Variants in CASP8 observed in about 807,000 individuals in gnomAD.
The protein encoded by CASP8 is caspase 8, also known as caspase-8.
CASP8 carries 24 observed loss-of-function variants against 46.3 expected under a neutral mutation model. The observed-to-expected ratio is 0.52, with a 90% CI of 0.38 to 0.73. CASP8 has a LOEUF of 0.73. Among genes scored for constraint, CASP8 ranks in the 30% least tolerant of loss-of-function variants. CASP8 has a pLI of 0.00. For missense variants in CASP8, 460 were observed against 559.0 expected, an observed-to-expected ratio of 0.82 and a Z score of 1.79; for synonymous variants, 188 against 200.4, an observed-to-expected ratio of 0.94 and a Z score of 0.52.
In CASP8 at chr2:201,286,461, G is replaced by A. The variant is rs1235505270; in HGVS notation, c.1307G>A (p.Gly436Asp). 5.6e-6 allele frequency: 9 copies of A among 1,612,006 alleles called. No homozygotes were observed. The highest frequency in any genetic ancestry group is 6.8e-6 in the Non-Finnish European group (8 of 1,178,370). The change falls in exon 9 of 9, where the codon GGC becomes GAC. Residue 436 changes from glycine to aspartate, a missense_variant and splice_region_variant. Coordinates refer to ENST00000673742, the MANE Select transcript of CASP8 (RefSeq NM_001372051.1). ...CQSLRERCPR[G>D]DDILTILTEV... ...CAATATTATGTGATGTATTTCAGAG[G>A]CGATGATATTCTCACCATCCTGACT...
intron 2 of CASP8, among the ~76,000 whole-genome samples, chr2:201,252,881 T>C (rs2125008611): frequency 6.6e-6 from 1 of 152,256 alleles, no homozygotes; most frequent in Non-Finnish European, 1.5e-5. Context: ...ACTCTTAAAA[T>C]CCACTTATTA....
chr2:201,272,174 T>C lies in CASP8; in HGVS notation c.412-464T>C, dbSNP rs575385399. Among the ~76,000 whole-genome samples, 1 of 151,992 alleles carries C rather than the reference T, an allele frequency of 6.6e-6. No individual in the cohort carries two copies. The highest frequency in any genetic ancestry group is 1.9e-4 in the East Asian group (1 of 5,162). On this transcript the variant is annotated intron_variant, in intron 3 of 8. Transcript: ENST00000673742. The surrounding 1 kb of genome is among the most constrained non-coding windows in gnomAD (Gnocchi z 4.4). ...TGTATTGTATTTATGCCCCTGTGTG[T>C]GTATCACTGAGTATACTCTGTGTGT...
intron 8 of CASP8, among the ~76,000 whole-genome samples, chr2:201,285,699 G>A (rs749684453): frequency 1.1e-4 from 16 of 152,200 alleles, no homozygotes; most frequent in Non-Finnish European, 2.2e-4. Flanking sequence ...ACATGACTGA[G>A]CCAATTCAAC....
At chr2:201,246,301 A>G (rs1946519099) in intron 2 of CASP8, among the ~76,000 whole-genome samples, 1 of 152,124 alleles carries the variant, frequency 6.6e-6, no homozygotes, top group Admixed American at 6.5e-5. Flanking sequence ...GTCCCCCGCC[A>G]GTCTGCCTCT....
intron 2 of CASP8, among the ~76,000 whole-genome samples, chr2:201,234,651 G>T (rs1361999293): frequency 6.6e-6 from 1 of 151,570 alleles, no homozygotes; most frequent in Non-Finnish European, 1.5e-5. Flanking sequence ...AGATGGGGGG[G>T]TCTCACCATG....
chr2:201,256,390 G>C (rs1413394299), upstream of CASP8, among the ~76,000 whole-genome samples: 1 of 152,200 alleles, frequency 6.6e-6, no homozygotes, highest in East Asian at 1.9e-4. Context: ...TCTGAGAACT[G>C]TTCAGAAGTG....
chr2:201,236,517 T>C (rs1431288719), intron 2 of CASP8, among the ~76,000 whole-genome samples: 2 of 152,182 alleles, frequency 1.3e-5, no homozygotes, highest in Non-Finnish European at 2.9e-5. Flanking sequence ...CCAGAGTGAA[T>C]TCCACAGTGT....
intron 2 of CASP8, among the ~76,000 whole-genome samples, chr2:201,247,960 G>A (rs895134745): frequency 5.3e-5 from 8 of 151,958 alleles, no homozygotes; most frequent in Admixed American, 3.3e-4. Context: ...TGTATTTTTA[G>A]TAGAGATGGG....
chr2:201,276,799 G>T (rs2125317268), intron 6 of CASP8, 28 bp from the exon 7 acceptor site: 1 of 1,613,786 alleles, frequency 6.2e-7, no homozygotes, highest in Non-Finnish European at 8.5e-7. Context: ...CACAGAGTCA[G>T]CTCCTGGGTT....
intron 5 of CASP8, among the ~76,000 whole-genome samples, chr2:201,273,552 T>A (rs753701289): frequency 6.6e-6 from 1 of 152,260 alleles, no homozygotes; most frequent in Non-Finnish European, 1.5e-5. Context: ...TCACTTTCTC[T>A]TTCAACACCT....
chr2:201,240,362 A>G (rs1559328361), intron 2 of CASP8: 1 of 152,224 alleles, frequency 6.6e-6, no homozygotes, highest in African/African-American at 2.4e-5. Flanking sequence ...TGACAACCCA[A>G]AGAGAGCAAG....
intron 2 of CASP8, among the ~76,000 whole-genome samples, chr2:201,271,312 T>C (rs1248395009): frequency 6.6e-6 from 1 of 152,124 alleles, no homozygotes; most frequent in Non-Finnish European, 1.5e-5. Flanking sequence ...TTTAAATTGT[T>C]AAGGGTGGGA....
chr2:201,238,576 G>A (rs1946157993), intron 2 of CASP8, among the ~76,000 whole-genome samples: 2 of 151,868 alleles, frequency 1.3e-5, no homozygotes, highest in Non-Finnish European at 2.9e-5. Context: ...CGAGTAGCTG[G>A]GACAATAGGC....
Position 201,265,985 on chromosome 2 carries a change from T to G in CASP8, c.-26-476T>G, listed in dbSNP as rs1283699837. ...CTTGTTTTTTTTGTTTTTTGTGTTTTTTTTTTTTTTGTGAGACGGAGTCTT... is the reference window on the plus strand; with the variant it reads ...CTTGTTTTTTTTGTTTTTTGTGTTTGTTTTTTTTTTGTGAGACGGAGTCTT... On this transcript the variant is annotated intron_variant, in intron 1 of 8. Transcript: ENST00000673742. 2.6e-5 allele frequency among the ~76,000 whole-genome samples: 4 copies of G among 151,392 alleles called. No homozygotes were observed. In the South Asian group the frequency reaches 8.3e-4, roughly 32 times the overall value.
chr2:201,236,218 G>A (rs1342220941), intron 2 of CASP8, among the ~76,000 whole-genome samples: 2 of 152,210 alleles, frequency 1.3e-5, no homozygotes, highest in Admixed American at 1.3e-4. Context: ...TAGGCATTTA[G>A]TTCTGTAAAT....
In CASP8 at chr2:201,285,070, A is replaced by G. The variant is rs773127303; in HGVS notation, c.1057A>G (p.Lys353Glu). ...LKCPSLAGKP[K>E]VFFIQACQGD... Reference sequence around the variant, plus strand: ...GTGCCCTTCCCTTGCTGGAAAACCCAAAGTGTTTTTTATTCAGGCTTGTCA... The same window carrying G: ...GTGCCCTTCCCTTGCTGGAAAACCCGAAGTGTTTTTTATTCAGGCTTGTCA... Residue 353 changes from lysine (K) to glutamate (E), a missense_variant, in exon 8 of 9, where the codon AAA (lysine) becomes GAA (glutamate). By Grantham distance (56) the Lys-to-Glu change is moderately conservative. Transcript: ENST00000673742. 3.1e-6 allele frequency: 5 copies of G among 1,614,132 alleles called. No individual in the cohort carries two copies. Among genetic ancestry groups the G allele is most frequent in the Non-Finnish European group, 3.4e-6 (4 of 1,180,020 alleles).
chr2:201,277,672 C>A, intron 7 of CASP8: 1 of 432,484 alleles, frequency 2.3e-6, no homozygotes, highest in South Asian at 1.6e-5. Context: ...TGATTATAAT[C>A]ATCAGGAGTC....
intron 5 of CASP8, among the ~76,000 whole-genome samples, chr2:201,273,515 T>C (rs1272656677): frequency 1.3e-5 from 2 of 152,182 alleles, no homozygotes; most frequent in Admixed American, 1.3e-4. Context: ...TGGATTTAAA[T>C]TATGTTTCAT....
upstream of CASP8, among the ~76,000 whole-genome samples, chr2:201,256,441 A>G (rs1947021924): frequency 6.6e-6 from 1 of 152,380 alleles, no homozygotes; most frequent in African/African-American, 2.4e-5. Flanking sequence ...GCATACGCCA[A>G]TGGTTTGATA....
Sources: allele counts gnomAD v4.1 joint callset (sites outside exome capture counted in the v4.1 genomes callset), GRCh38; gene constraint gnomAD v4.1.1; non-coding constraint Gnocchi (gnomAD v3.1); transcripts MANE v1.5; gene names NCBI Gene and HGNC (gene_info 2026-07-23, HGNC 2026-07-21).